RAI1: variants seen among roughly 807,000 people sequenced by gnomAD.
RAI1 encodes retinoic acid induced 1, also known as retinoic acid-induced protein 1.
RAI1 carries 9 observed loss-of-function variants against 123.8 expected under a neutral mutation model. The observed-to-expected ratio is 0.07, with a 90% CI of 0.04 to 0.13. RAI1 has a LOEUF of 0.13. RAI1 is among the 10% of genes least tolerant of loss of function. The pLI is 1.00. For missense variants in RAI1, 2,256 were observed against 2,545.8 expected, an observed-to-expected ratio of 0.89 and a Z score of 2.45; for synonymous variants, 1,231 against 1,127.3, an observed-to-expected ratio of 1.09 and a Z score of -1.84.
At chr17:17,697,586 C>T (rs1177296736) in intron 1 of RAI1, among the ~76,000 whole-genome samples, 3 of 152,218 alleles carry the variant, frequency 2.0e-5, no homozygotes, top group Non-Finnish European at 2.9e-5. Context: ...TCTGGATTTG[C>T]TCTTGTGGTC....
Position 17,809,493 on chromosome 17 carries a change from C to T in RAI1, c.5709+54C>T, listed in dbSNP as rs2032662767. 1.1e-5 allele frequency: 16 copies of T among 1,506,806 alleles called. No individual in the cohort carries two copies. The highest frequency in any genetic ancestry group is 1.7e-5 in the Admixed American group (1 of 59,850). The allele number at this position is 1,506,806 out of a possible 1,614,324, so 93.3% of individuals were successfully genotyped here. On this transcript the variant is annotated intron_variant, in intron 5 of 5. Transcript: ENST00000353383. This position sits in a 1 kb window ranked among gnomAD's most constrained non-coding sequence, Gnocchi z 4.9. ...AGGGGTGTCAAGCGGGAGAGGAGCC[C>T]CACCTCGCACCTCCTTCACAGTCCC...
In RAI1 at chr17:17,797,237, C is replaced by T; in HGVS notation, c.4289C>T (p.Thr1430Ile). The change falls in exon 3 of 6, where the codon ACA (threonine) becomes ATA (isoleucine). Residue 1430 changes from threonine (T) to isoleucine (I), a missense_variant. Transcript: ENST00000353383. ...GACTGTTTCAAAACCGAGGCCTTCA[C>T]ATCCCCGGAGGCCCTGCAGCCTGGG... ...STDCFKTEAF[T>I]SPEALQPGGT... 6.2e-7 allele frequency: 1 copy of T among 1,613,576 alleles called. No homozygotes were observed. Among genetic ancestry groups the T allele is most frequent in the Non-Finnish European group, 8.5e-7 (1 of 1,180,026 alleles).
intron 2 of RAI1, among the ~76,000 whole-genome samples, chr17:17,726,133 C>A (rs1916082868): frequency 1.3e-5 from 2 of 152,240 alleles, no homozygotes; most frequent in South Asian, 4.1e-4. Context: ...GAGGGTCAGG[C>A]AGCAAAGCAG....
chr17:17,794,463 A>G lies in RAI1; in HGVS notation c.1515A>G (p.Pro505=). Residue 505 remains proline, a synonymous_variant, in exon 3 of 6, where the codon CCA becomes CCG. Coordinates refer to ENST00000353383, the MANE Select transcript of RAI1 (RefSeq NM_030665.4). The part of the protein sequence containing the change: ...TPLSEPPSST[P]QSTHAEPQEA... ...TGTCAGAGCCGCCGAGCAGCACGCCACAGTCCACGCATGCGGAGCCGCAGG... is the reference window on the plus strand; with the variant it reads ...TGTCAGAGCCGCCGAGCAGCACGCCGCAGTCCACGCATGCGGAGCCGCAGG... 2 of 1,612,536 alleles carry G rather than the reference A, an allele frequency of 1.2e-6. No homozygotes were observed. Among genetic ancestry groups the G allele is most frequent in the Non-Finnish European group, 1.7e-6 (2 of 1,179,796 alleles).
In RAI1 at chr17:17,793,409, G is replaced by T; in HGVS notation, c.461G>T (p.Ser154Ile). ...ATGAAAAAGACAGCAGTGCCCCCCA[G>T]CAGGCAGTATGCAGAGCAGGGCGCC... ...NLMKKTAVPP[S>I]RQYAEQGAQV... is the part of the protein sequence containing the mutation. Residue 154 changes from serine to isoleucine, a missense_variant, in exon 3 of 6, where the codon AGC (serine) becomes ATC (isoleucine). Physicochemically the swap from Ser to Ile is moderately radical, Grantham distance 142 (BLOSUM62 -2). This residue lies in a region of RAI1 where 336 missense variants were observed against 349.8 expected (regional missense o/e 0.96). Coordinates refer to ENST00000353383, the MANE Select transcript of RAI1 (RefSeq NM_030665.4). 3.7e-6 allele frequency: 6 copies of T among 1,613,302 alleles called. No homozygotes were observed. The highest frequency in any genetic ancestry group is 5.1e-6 in the Non-Finnish European group (6 of 1,179,686).
intron 2 of RAI1, among the ~76,000 whole-genome samples, chr17:17,729,097 C>T (rs559326345): frequency 5.3e-5 from 8 of 152,294 alleles, no homozygotes; most frequent in African/African-American, 1.7e-4. Flanking sequence ...CAAGGCCTGC[C>T]TCGCCCCACC....
At chr17:17,755,530 G>A (rs2030405004) in intron 2 of RAI1, among the ~76,000 whole-genome samples, 2 of 152,168 alleles carry the variant, frequency 1.3e-5, no homozygotes, top group Non-Finnish European at 2.9e-5. Context: ...GAGGGCAGAG[G>A]GTGGTAGACT....
chr17:17,778,779 A>G (rs1479779670), intron 2 of RAI1: 1 of 456,630 alleles, frequency 2.2e-6, no homozygotes, highest in Non-Finnish European at 4.4e-6. Context: ...ACTTTCCAGA[A>G]CACAGCAGTT....
intron 1 of RAI1, among the ~76,000 whole-genome samples, chr17:17,686,723 TGGG>T (rs1010419413): frequency 6.9e-6 from 1 of 145,826 alleles, no homozygotes; most frequent in African/African-American, 2.5e-5. Flanking sequence ...GAGATGGAAG[TGGG>T]GGGACGGCAA....
chr17:17,807,300 C>T (rs180783563), intron 4 of RAI1, among the ~76,000 whole-genome samples: 6 of 152,014 alleles, frequency 3.9e-5, no homozygotes, highest in African/African-American at 1.2e-4. Context: ...GTGGGCTGGT[C>T]AGGCTGATCT....
rs1269147352 is a variant in RAI1 at position 17,809,920 on chromosome 17, A to G, written c.5710-50A>G. 9.0e-6 allele frequency: 14 copies of G among 1,555,166 alleles called. No homozygotes were observed. Among genetic ancestry groups the G allele is most frequent in the Admixed American group, 1.9e-5 (1 of 51,728 alleles). ...CCCACACTGGGGGCGGGGCCTATGG[A>G]CTGTGAAGTCCGAGGTCGTCGGTAA... On this transcript the variant is annotated intron_variant, in intron 5 of 5. Coordinates refer to ENST00000353383, the MANE Select transcript of RAI1 (RefSeq NM_030665.4). The surrounding 1 kb of genome is among the most constrained non-coding windows in gnomAD (Gnocchi z 4.9).
intron 2 of RAI1, among the ~76,000 whole-genome samples, chr17:17,775,288 G>C (rs7217590): frequency 0.95 from 143,818 of 150,640 alleles, 68,714 homozygotes; most frequent in East Asian, 1. Flanking sequence ...ACTGCAGCCT[G>C]GACCTCCCAG....
intron 2 of RAI1, among the ~76,000 whole-genome samples, chr17:17,741,091 G>GCACA (rs773544376): frequency 0.04 from 4,752 of 119,968 alleles, 178 homozygotes; most frequent in African/African-American, 0.093. Flanking sequence ...AAGCGCGCGC[G>GCACA]CACACACACA....
chr17:17,762,039 G>A (rs963972119), intron 2 of RAI1, among the ~76,000 whole-genome samples: 2 of 152,168 alleles, frequency 1.3e-5, no homozygotes, highest in African/African-American at 4.8e-5. Flanking sequence ...CACTGGGCTC[G>A]AGGCTGGAGT....
chr17:17,783,194 C>G (rs2031672785), intron 2 of RAI1, among the ~76,000 whole-genome samples: 1 of 152,052 alleles, frequency 6.6e-6, no homozygotes, highest in South Asian at 2.1e-4. Flanking sequence ...CGACCGGGGA[C>G]CGGGGGACCG....
chr17:17,773,997 A>G, intron 2 of RAI1, among the ~76,000 whole-genome samples: 1 of 152,320 alleles, frequency 6.6e-6, no homozygotes, highest in South Asian at 2.1e-4. Flanking sequence ...CAGGTAAGTA[A>G]TTACTTACCT....
intron 1 of RAI1, among the ~76,000 whole-genome samples, chr17:17,721,769 A>G (rs1265067451): frequency 6.6e-6 from 1 of 152,218 alleles, no homozygotes; most frequent in Non-Finnish European, 1.5e-5. Context: ...CCCAAGACAG[A>G]TATTGAAGAC....
intron 2 of RAI1, among the ~76,000 whole-genome samples, chr17:17,783,822 A>G (rs1415732316): frequency 6.6e-6 from 1 of 152,098 alleles, no homozygotes; most frequent in East Asian, 1.9e-4. Flanking sequence ...CGCAGACCCT[A>G]ATTGTCAGAG....
intron 2 of RAI1, among the ~76,000 whole-genome samples, chr17:17,782,878 C>T (rs1049666599): frequency 6.6e-6 from 1 of 152,184 alleles, no homozygotes; most frequent in African/African-American, 2.4e-5. Flanking sequence ...TCGCCCTTAC[C>T]GAGGCGTGGG....
Sources: allele counts gnomAD v4.1 joint callset (sites outside exome capture counted in the v4.1 genomes callset), GRCh38; gene constraint gnomAD v4.1.1; regional missense constraint gnomAD v4.1.1; non-coding constraint Gnocchi (gnomAD v3.1); transcripts MANE v1.5; gene names NCBI Gene and HGNC (gene_info 2026-07-23, HGNC 2026-07-21).